Variants in KMT2C observed in about 807,000 individuals in gnomAD.
KMT2C encodes the protein histone-lysine N-methyltransferase 2C.
KMT2C carries 88 observed loss-of-function variants against 507.9 expected under a neutral mutation model. The ratio of observed to expected loss-of-function variants is 0.17; its 90% CI spans 0.15 to 0.21. KMT2C has a LOEUF of 0.21. KMT2C is among the 10% of genes least tolerant of loss of function. KMT2C has a pLI of 1.00. For synonymous variants in KMT2C, 2,049 were observed against 2,080.8 expected, an observed-to-expected ratio of 0.98 and a Z score of 0.42; for missense variants, 4,954 against 5,957.8, an observed-to-expected ratio of 0.83 and a Z score of 5.55.
Position 152,194,268 on chromosome 7 carries a change from T to TA in KMT2C, c.4508-8dup, listed in dbSNP as rs2129129115. Reference sequence around the variant, plus strand: ...AATTTTCCAAGAATTGCTCCTAGAATAAATTAAAAAAAAAAAAGAAACATT... The same window carrying TA: ...AATTTTCCAAGAATTGCTCCTAGAATAAAATTAAAAAAAAAAAAGAAACATT... On this transcript the variant is annotated splice_polypyrimidine_tract_variant and splice_region_variant and intron_variant, in intron 29 of 58. Coordinates refer to ENST00000262189, the MANE Select transcript of KMT2C (RefSeq NM_170606.3). 2 of 1,445,428 alleles carry TA rather than the reference T, an allele frequency of 1.4e-6. No homozygotes were observed. Among genetic ancestry groups the TA allele is most frequent in the Non-Finnish European group, 1.9e-6 (2 of 1,065,654 alleles). 89.5% of individuals were successfully genotyped at this position (1,445,428 alleles called of 1,614,324 possible).
Position 152,136,422 on chromosome 7 carries a change from CA to C in KMT2C, c.*409del. ...CCCCTCGCTGGTGATTTCAGTCTTACATTCATAGGAAGGCCCCTGCCCGGGG... is the reference window on the plus strand; with the variant it reads ...CCCCTCGCTGGTGATTTCAGTCTTACTTCATAGGAAGGCCCCTGCCCGGGG... On this transcript the variant is annotated 3_prime_UTR_variant, in exon 59 of 59. Transcript: ENST00000262189. 4.2e-6 allele frequency: 1 copy of C among 239,994 alleles called. No homozygotes were observed. The highest frequency in any genetic ancestry group is 8.2e-6 in the Non-Finnish European group (1 of 122,470). 14.9% of individuals were successfully genotyped at this position (239,994 alleles called of 1,614,324 possible). A position where few individuals can be genotyped will look rare whatever the true frequency, so the allele number is the denominator to read the frequency against.
intron 6 of KMT2C, among the ~76,000 whole-genome samples, chr7:152,302,754 G>A (rs532166810): frequency 1.3e-5 from 2 of 152,104 alleles, no homozygotes; most frequent in South Asian, 4.2e-4. Flanking sequence ...AAATTCTCCT[G>A]CCTCAGCCTC....
chr7:152,431,831 T>C (rs1194111713), intron 1 of KMT2C, among the ~76,000 whole-genome samples: 7 of 152,144 alleles, frequency 4.6e-5, no homozygotes, highest in East Asian at 1.9e-4. Context: ...AAATTACAAA[T>C]TTGCATTATC....
rs551188650 is a variant in KMT2C at position 152,367,329 on chromosome 7, G to C, written c.162-8654C>G. On this transcript the variant is annotated intron_variant, in intron 1 of 58. Transcript: ENST00000262189. The stretch of plus-strand genomic sequence containing the variant: ...TGGAGGAGCCCTGACCTGCACCTTC[G>C]CAGAAGCCCTGAAGCAGACACCCCA... The C allele has an allele frequency of 2.3e-5, 21 of 902,936 alleles. No individual in the cohort carries two copies. The African/African-American group carries it at 3.3e-4, about 14-fold the overall frequency. The allele number at this position is 902,936 out of a possible 1,614,324, so 55.9% of individuals were successfully genotyped here. A position where few individuals can be genotyped will look rare whatever the true frequency, so the allele number is the denominator to read the frequency against.
rs1420947828 is a variant in KMT2C, at chr7:152,230,854, G to A, written c.2770-533C>T. On this transcript the variant is annotated intron_variant, in intron 16 of 58. Transcript: ENST00000262189. ...TTGTTTTGAGAGGAGTTTCACTCTT[G>A]TTGCCCAGGCTGGAGTGTAATGGCG... 1.3e-5 allele frequency among the ~76,000 whole-genome samples: 2 copies of A among 152,134 alleles called. 1 individual carries two copies. Among genetic ancestry groups the A allele is most frequent in the Non-Finnish European group, 2.9e-5 (2 of 68,016 alleles).
At chr7:152,368,033 AGAT>A (rs1434191990) in intron 1 of KMT2C, 257 of 843,836 alleles carry the variant, frequency 3.0e-4, no homozygotes, top group East Asian at 2.4e-5. Flanking sequence ...TTCCAGAAAT[AGAT>A]GATGAAGAAG....
chr7:152,370,282 T>C (rs1394102853), intron 1 of KMT2C, among the ~76,000 whole-genome samples: 1 of 151,826 alleles, frequency 6.6e-6, no homozygotes, highest in Non-Finnish European at 1.5e-5. Context: ...GACCAATTCA[T>C]AGGAAATGAC....
chr7:152,367,597 C>A (rs2097257863), intron 1 of KMT2C: 1 of 1,297,050 alleles, frequency 7.7e-7, no homozygotes, highest in Non-Finnish European at 1.1e-6. Flanking sequence ...GTATCCAGGT[C>A]CTTCTCATAG....
chr7:152,325,186 T>C (rs1360017064), intron 3 of KMT2C, among the ~76,000 whole-genome samples: 1 of 151,860 alleles, frequency 6.6e-6, no homozygotes, highest in East Asian at 1.9e-4. Flanking sequence ...AGTTTCTCTC[T>C]TGTCGCCCAG....
Position 152,199,326 on chromosome 7 carries a change from T to C in KMT2C, c.4226A>G (p.Asp1409Gly). 1 of 1,603,158 alleles carries C rather than the reference T, an allele frequency of 6.2e-7. No individual in the cohort carries two copies. Among genetic ancestry groups the C allele is most frequent in the Non-Finnish European group, 8.5e-7 (1 of 1,176,438 alleles). Residue 1409 changes from aspartate (D) to glycine (G), a missense_variant, in exon 27 of 59, where the codon GAT becomes GGT. Asp to Gly is a moderately conservative substitution (Grantham distance 94, BLOSUM62 -1). Transcript: ENST00000262189. ...MNTGFLDPSL[D>G]PLLSSSSAPT... ...AGCCGAGGATGAACTAAGTAGTGGA[T>C]CTAAGGAAGGATCCAAGAAACCTGT... is the stretch of plus-strand genomic sequence containing the variant.
chr7:152,169,273 T>C (rs757871097), intron 40 of KMT2C, 24 bp from the exon 41 acceptor site: 1 of 1,348,762 alleles, frequency 7.4e-7, no homozygotes, highest in Non-Finnish European at 1.1e-6. Context: ...AATTTACAAA[T>C]ATGTTTATTC....
intron 1 of KMT2C, among the ~76,000 whole-genome samples, chr7:152,388,024 A>C (rs2097447983): frequency 6.6e-6 from 1 of 151,470 alleles, no homozygotes; most frequent in Admixed American, 6.6e-5. Flanking sequence ...AAGTGATCCA[A>C]CTCTGAAATT....
intron 1 of KMT2C, among the ~76,000 whole-genome samples, chr7:152,378,733 TAAGA>T (rs2097348056): frequency 6.6e-6 from 1 of 152,172 alleles, no homozygotes; most frequent in African/African-American, 2.4e-5. Flanking sequence ...AAATAGTTAA[TAAGA>T]AAGAGTAATT....
chr7:152,185,065 A>G (rs1427730141), intron 34 of KMT2C, among the ~76,000 whole-genome samples: 2 of 152,204 alleles, frequency 1.3e-5, no homozygotes, highest in Non-Finnish European at 2.9e-5. Context: ...CCCCTCCTGT[A>G]TACTTTAAGT....
Position 152,169,168 on chromosome 7 carries a change from T to C in KMT2C, c.9517+18A>G, listed in dbSNP as rs766961305. The stretch of plus-strand genomic sequence containing the variant: ...AAGCAATCCCCAGAAAACATTAACT[T>C]ATTAGATTTATACTTACTGACAAAG... On this transcript the variant is annotated intron_variant, in intron 41 of 58. Transcript: ENST00000262189. 1.3e-6 allele frequency: 2 copies of C among 1,489,038 alleles called. No homozygotes were observed. Among genetic ancestry groups the C allele is most frequent in the Non-Finnish European group, 1.9e-6 (2 of 1,066,088 alleles). The allele number at this position is 1,489,038 out of a possible 1,614,324, so 92.2% of individuals were successfully genotyped here.
Position 152,315,401 on chromosome 7 carries a change from G to A in KMT2C, c.390-63C>T, listed in dbSNP as rs528415904. On this transcript the variant is annotated intron_variant, in intron 3 of 58. Coordinates refer to ENST00000262189, the MANE Select transcript of KMT2C (RefSeq NM_170606.3). The stretch of plus-strand genomic sequence containing the variant: ...GTAGCTTTATTCAACTGCTTTAAGC[G>A]ATAACTATAGATACTTGTGCTTTTA... The A allele has an allele frequency of 5.5e-6, 6 of 1,088,764 alleles. No homozygotes were observed. The East Asian group carries it at 7.1e-5, about 13-fold the overall frequency. 67.4% of individuals were successfully genotyped at this position (1,088,764 alleles called of 1,614,324 possible).
Position 152,177,160 on chromosome 7 carries a change from C to G in KMT2C, c.8293G>C (p.Asp2765His), listed in dbSNP as rs1563258784. ...DIIAYTDPELDMGDKKSMFNE... is the reference protein window; with the variant it reads ...DIIAYTDPELHMGDKKSMFNE... ...AACATGCTTTTCTTATCTCCCATGT[C>G]AAGTTCTGGATCTGTATATGCAATG... Residue 2765 changes from aspartate to histidine, a missense_variant, in exon 38 of 59, where the codon GAC becomes CAC. By Grantham distance (81) the Asp-to-His change is moderately conservative (BLOSUM62 -1). Around this residue, in one of 29 missense-constraint regions of KMT2C, gnomAD observed 1,689 missense variants for 1,654.3 expected, o/e 1.02. Coordinates refer to ENST00000262189, the MANE Select transcript of KMT2C (RefSeq NM_170606.3). 6.2e-7 allele frequency: 1 copy of G among 1,613,864 alleles called. No homozygotes were observed. The highest frequency in any genetic ancestry group is 8.5e-7 in the Non-Finnish European group (1 of 1,180,008).
At chr7:152,426,793 A>G (rs2097823350) in intron 1 of KMT2C, among the ~76,000 whole-genome samples, 1 of 152,182 alleles carries the variant, frequency 6.6e-6, no homozygotes, top group Non-Finnish European at 1.5e-5. Flanking sequence ...AGGCAACCAT[A>G]GCACAAAAAA....
At position 152,330,671 on chromosome 7, in the gene KMT2C, T is replaced by G. The variant is rs773344701; in HGVS notation, c.319A>C (p.Thr107Pro). ...EVDNSKQLIPTLQRSVSEESA... is the reference protein window; with the variant it reads ...EVDNSKQLIPPLQRSVSEESA... ...TCCTCAGACACAGATCGCTGAAGAGTTGGAATTAGCTGTTTGCTGTTATCC... is the reference window on the plus strand; with the variant it reads ...TCCTCAGACACAGATCGCTGAAGAGGTGGAATTAGCTGTTTGCTGTTATCC... The change falls in exon 3 of 59, where the codon ACT (threonine) becomes CCT (proline). Residue 107 changes from threonine (T) to proline (P), a missense_variant. By Grantham distance (38) the Thr-to-Pro change is conservative (BLOSUM62 -1). Around this residue, in one of 29 missense-constraint regions of KMT2C, gnomAD observed 233 missense variants for 263.6 expected, o/e 0.88. Transcript: ENST00000262189. The G allele has an allele frequency of 8.1e-6, 13 of 1,613,932 alleles. No individual in the cohort carries two copies. Among genetic ancestry groups the G allele is most frequent in the Admixed American group, 1.7e-5 (1 of 60,002 alleles).
Sources: gnomAD v4.1 joint callset for allele counts (sites outside exome capture counted in the v4.1 genomes callset) on GRCh38, gnomAD v4.1.1 for gene constraint, gnomAD v4.1.1 regional missense constraint, MANE v1.5 for transcripts, NCBI Gene and HGNC (gene_info 2026-07-23, HGNC 2026-07-21) for gene names.